TENM4: variants seen among roughly 807,000 people sequenced by gnomAD.
The protein encoded by TENM4 is teneurin-4.
TENM4 carries 82 observed loss-of-function variants against 243.3 expected under a neutral mutation model. The observed-to-expected ratio is 0.34, with a 90% CI of 0.28 to 0.40. The LOEUF (loss-of-function observed/expected upper bound fraction) is 0.40. Among genes scored for constraint, TENM4 ranks in the 10% least tolerant of loss-of-function variants. The pLI is 1.00. For missense variants in TENM4, 3,138 were observed against 3,673.3 expected (o/e 0.85, Z 3.77); for synonymous variants, 1,412 against 1,456.3 (o/e 0.97, Z 0.69).
At chr11:79,385,923 G>T (rs977818939) in intron 1 of TENM4, among the ~76,000 whole-genome samples, 1 of 152,100 alleles carries the variant, frequency 6.6e-6, no homozygotes, top group South Asian at 2.1e-4. Flanking sequence ...AGTACCTGTT[G>T]TGTCTCTATT....
chr11:78,665,457 A>T (rs1334713773), intron 32 of TENM4, among the ~76,000 whole-genome samples: 2 of 152,138 alleles, frequency 1.3e-5, no homozygotes, highest in African/African-American at 4.8e-5. Context: ...TTTTTAGCAG[A>T]GACGAGATTT....
chr11:79,040,974 T>A (rs1859508037), intron 6 of TENM4, among the ~76,000 whole-genome samples: 1 of 151,960 alleles, frequency 6.6e-6, no homozygotes, highest in African/African-American at 2.4e-5. Context: ...GACCAAGGGT[T>A]AAGAAATGAA....
At chr11:79,237,849 A>C (rs1016111264) in intron 2 of TENM4, among the ~76,000 whole-genome samples, 1 of 152,248 alleles carries the variant, frequency 6.6e-6, no homozygotes, top group South Asian at 2.1e-4. Context: ...CTGCATTCCA[A>C]ATAGCTGAGG....
At position 78,670,498 on chromosome 11, in the gene TENM4, C is replaced by G. The variant is rs766134120; in HGVS notation, c.5847G>C (p.Lys1949Asn). Residue 1949 changes from lysine (K) to asparagine (N), a missense_variant, in exon 32 of 34, where the codon AAG (lysine) becomes AAC (asparagine). Coordinates refer to ENST00000278550, the MANE Select transcript of TENM4 (RefSeq NM_001098816.3). ...SQRQYIFEFD[K>N]NDRLSSVTMP... ...TCGTCACAGAAGAGAGGCGGTCATTCTTGTCGAACTCAAAGATATACTGCC... is the reference window on the plus strand; with the variant it reads ...TCGTCACAGAAGAGAGGCGGTCATTGTTGTCGAACTCAAAGATATACTGCC... 2 of 1,613,454 alleles carry G rather than the reference C, an allele frequency of 1.2e-6. No homozygotes were observed. Among genetic ancestry groups the G allele is most frequent in the South Asian group, 1.1e-5 (1 of 91,002 alleles).
chr11:78,841,303 C>T (rs759034783), intron 12 of TENM4, among the ~76,000 whole-genome samples: 1 of 152,212 alleles, frequency 6.6e-6, no homozygotes, highest in Non-Finnish European at 1.5e-5. Context: ...TCTCTAACCA[C>T]TAAGCCACAC....
chr11:79,043,877 T>C (rs1859596886), intron 6 of TENM4, among the ~76,000 whole-genome samples: 1 of 152,218 alleles, frequency 6.6e-6, no homozygotes, highest in Non-Finnish European at 1.5e-5. Flanking sequence ...TTCTGCTCTC[T>C]GAAGTATCTC....
intron 2 of TENM4, among the ~76,000 whole-genome samples, chr11:79,271,229 G>A (rs562045236): frequency 2.1e-4 from 32 of 152,146 alleles, no homozygotes; most frequent in Admixed American, 1.6e-3. Flanking sequence ...AACAGCCAGC[G>A]TTCCTGAGCC....
chr11:78,948,584 G>C (rs886798447), intron 6 of TENM4, among the ~76,000 whole-genome samples: 40 of 152,162 alleles, frequency 2.6e-4, no homozygotes, highest in African/African-American at 9.2e-4. Context: ...TGTTAGCCAG[G>C]ATGGTCTCGA....
chr11:79,387,723 G>T (rs1456580742), intron 1 of TENM4, among the ~76,000 whole-genome samples: 2 of 152,204 alleles, frequency 1.3e-5, no homozygotes, highest in African/African-American at 4.8e-5. Flanking sequence ...TAAACAAACA[G>T]GCTGGGTGTG....
intron 2 of TENM4, among the ~76,000 whole-genome samples, chr11:79,242,027 A>C (rs1340257788): frequency 6.6e-6 from 1 of 152,146 alleles, no homozygotes. Flanking sequence ...TGATCCTTGC[A>C]TTTGGGCCCC....
In TENM4 at chr11:78,854,106, A is replaced by G; in HGVS notation, c.1679T>C (p.Ile560Thr). Residue 560 changes from isoleucine (I) to threonine (T), a missense_variant and splice_region_variant, in exon 12 of 34, where the codon ATT becomes ACT. Ile to Thr is a moderately conservative substitution (Grantham distance 89, BLOSUM62 -1). Coordinates refer to ENST00000278550, the MANE Select transcript of TENM4 (RefSeq NM_001098816.3). ...CCCAGAGGGTGTGGCTCCCTTACCA[A>G]TGGCAGTGGTGAGAAAGGAAACCAC... ...SEVVSFLTTAIESVDNCPSNC... is the reference protein window; with the variant it reads ...SEVVSFLTTATESVDNCPSNC... 6.4e-7 allele frequency: 1 copy of G among 1,551,068 alleles called. No homozygotes were observed. The highest frequency in any genetic ancestry group is 8.7e-7 in the Non-Finnish European group (1 of 1,146,642).
intron 20 of TENM4, among the ~76,000 whole-genome samples, chr11:78,737,407 C>G (rs1855826017): frequency 6.6e-6 from 1 of 152,190 alleles, no homozygotes; most frequent in East Asian, 1.9e-4. Flanking sequence ...CCAAGCTTGC[C>G]AACCCCATCT....
intron 3 of TENM4, among the ~76,000 whole-genome samples, chr11:79,166,245 T>G (rs1862910844): frequency 6.6e-6 from 1 of 152,216 alleles, no homozygotes; most frequent in Non-Finnish European, 1.5e-5. Context: ...GTGATTGTAC[T>G]AAGAAAGTTC....
chr11:79,345,563 A>G (rs536543518), intron 1 of TENM4, among the ~76,000 whole-genome samples: 2 of 152,326 alleles, frequency 1.3e-5, no homozygotes, highest in South Asian at 4.1e-4. Context: ...TATATTCATA[A>G]TTTGAATCTA....
intron 18 of TENM4, among the ~76,000 whole-genome samples, chr11:78,766,808 T>G (rs568745464): frequency 5.1e-4 from 77 of 151,510 alleles, no homozygotes; most frequent in African/African-American, 1.8e-3. Context: ...ATTAAAGTGA[T>G]TCTCGTGCCT....
intron 2 of TENM4, among the ~76,000 whole-genome samples, chr11:79,261,245 C>A (rs1481086263): frequency 2.6e-5 from 4 of 152,158 alleles, no homozygotes; most frequent in Admixed American, 6.5e-5. Flanking sequence ...TGGAGATCGA[C>A]CTCTGCAGAA....
intron 4 of TENM4, among the ~76,000 whole-genome samples, chr11:79,111,620 G>T (rs959030394): frequency 6.6e-6 from 1 of 152,118 alleles, no homozygotes; most frequent in African/African-American, 2.4e-5. Context: ...CCCAGTCTCG[G>T]GTATGTCTTT....
rs535879683 is a variant in TENM4 at position 79,133,643 on chromosome 11, A to T, written c.-66+15067T>A. 6.6e-5 allele frequency among the ~76,000 whole-genome samples: 10 copies of T among 152,322 alleles called. 1 individual carries two copies. In the South Asian group the frequency reaches 2.1e-3, roughly 32 times the overall value. On this transcript the variant is annotated intron_variant, in intron 4 of 33. Coordinates refer to ENST00000278550, the MANE Select transcript of TENM4 (RefSeq NM_001098816.3). ...CCAAATCCAACAACATATGAAAAAAAAATAATTCACCTGATCAAGTGGGTT... is the reference window on the plus strand; with the variant it reads ...CCAAATCCAACAACATATGAAAAAATAATAATTCACCTGATCAAGTGGGTT...
chr11:79,299,160 G>A (rs578144720), intron 1 of TENM4, among the ~76,000 whole-genome samples: 5 of 152,234 alleles, frequency 3.3e-5, no homozygotes, highest in Admixed American at 2.6e-4. Context: ...GCTCATCCAT[G>A]TACTATGCCA....
Sources: allele counts gnomAD v4.1 joint callset (sites outside exome capture counted in the v4.1 genomes callset), GRCh38; gene constraint gnomAD v4.1.1; transcripts MANE v1.5; gene names NCBI Gene and HGNC (gene_info 2026-07-23, HGNC 2026-07-21).